Variants in ECE1 observed in about 807,000 individuals in gnomAD.
ECE1 encodes the protein endothelin-converting enzyme 1.
ECE1 carries 35 observed loss-of-function variants against 98.6 expected under a neutral mutation model. The observed-to-expected ratio is 0.35, with a 90% CI of 0.27 to 0.47. The LOEUF (loss-of-function observed/expected upper bound fraction) is 0.47, where lower values mean the gene tolerates loss of function less well. ECE1 is among the 20% of genes least tolerant of loss of function. The pLI is 1.00. For missense variants in ECE1, 814 were observed against 1,025.3 expected (o/e 0.79, Z 2.81); for synonymous variants, 394 against 407.1 (o/e 0.97, Z 0.39).
At position 21,279,111 on chromosome 1, in the gene ECE1, A is replaced by G. The variant is rs1335759665; in HGVS notation, c.280+80T>C. ...CTCAGAGCCCTGCCCCGGCTTAAGC[A>G]GGGAAGCCCCCCTCGCCCGAGCTGA... On this transcript the variant is annotated intron_variant, in intron 3 of 18. Coordinates refer to ENST00000374893, the MANE Select transcript of ECE1 (RefSeq NM_001397.3). 1.9e-6 allele frequency: 3 copies of G among 1,610,902 alleles called. No homozygotes were observed. In the African/African-American group the frequency reaches 4.0e-5, roughly 22 times the overall value.
chr1:21,218,492 A>G lies in ECE1; in HGVS notation c.*1463T>C, dbSNP rs762445926. 6.6e-6 allele frequency: 1 copy of G among 152,496 alleles called. No homozygotes were observed. Among genetic ancestry groups the G allele is most frequent in the Non-Finnish European group, 1.5e-5 (1 of 68,284 alleles). The allele number at this position is 152,496 out of a possible 1,614,324, so 9.4% of individuals were successfully genotyped here. A position where few individuals can be genotyped will look rare whatever the true frequency, so the allele number is the denominator to read the frequency against. The stretch of plus-strand genomic sequence containing the variant: ...CGGCTGCAGCCTCAGATAAGGCACT[A>G]GAGGACTGGACTGGTCCTGGGAGCC... On this transcript the variant is annotated 3_prime_UTR_variant, in exon 19 of 19. Coordinates refer to ENST00000374893, the MANE Select transcript of ECE1 (RefSeq NM_001397.3). This position sits in a 1 kb window ranked among gnomAD's most constrained non-coding sequence, Gnocchi z 4.0.
rs762860284 is a variant in ECE1 at position 21,236,846 on chromosome 1, TGAG to T, written c.1390-5_1390-3del. On this transcript the variant is annotated splice_polypyrimidine_tract_variant and splice_region_variant and intron_variant, in intron 11 of 18. Coordinates refer to ENST00000374893, the MANE Select transcript of ECE1 (RefSeq NM_001397.3). ...AATCTCCAGGATGATCTCGGTGGCCTGAGGAGATACACATCACAGCAGTAAGGT... is the reference window on the plus strand; with the variant it reads ...AATCTCCAGGATGATCTCGGTGGCCTGAGATACACATCACAGCAGTAAGGT... 1.1e-5 allele frequency: 18 copies of T among 1,610,518 alleles called. No homozygotes were observed. Among genetic ancestry groups the T allele is most frequent in the Middle Eastern group, 1.7e-4 (1 of 6,058 alleles).
chr1:21,247,164 C>T, intron 9 of ECE1, 57 bp downstream of exon 9: 1 of 1,613,050 alleles, frequency 6.2e-7, no homozygotes, highest in Non-Finnish European at 8.5e-7. Flanking sequence ...TGCCCACCTG[C>T]CCAAGAAGAG....
intron 3 of ECE1, among the ~76,000 whole-genome samples, chr1:21,277,666 G>A (rs183288925): frequency 1.3e-5 from 2 of 152,154 alleles, no homozygotes; most frequent in African/African-American, 4.8e-5. Context: ...CTACCCCTTC[G>A]TTCATTCAAA....
intron 1 of ECE1, among the ~76,000 whole-genome samples, chr1:21,331,595 A>G (rs1198322686): frequency 3.3e-5 from 5 of 151,834 alleles, no homozygotes; most frequent in Non-Finnish European, 5.9e-5. Context: ...TTCGCTAAAA[A>G]AAAGAAAAAA....
At chr1:21,244,067 G>A (rs1041369273) in intron 10 of ECE1, among the ~76,000 whole-genome samples, 4 of 152,182 alleles carry the variant, frequency 2.6e-5, no homozygotes, top group African/African-American at 7.2e-5. Flanking sequence ...GGGAAGGGCT[G>A]CAGGAGTGGG....
At chr1:21,320,559 C>T (rs755718785) in intron 1 of ECE1, among the ~76,000 whole-genome samples, 16 of 152,304 alleles carry the variant, frequency 1.1e-4, no homozygotes, top group South Asian at 2.1e-4. Context: ...ATCAACGCCT[C>T]GCAGCAACCC....
At position 21,219,713 on chromosome 1, in the gene ECE1, A is replaced by T. The variant is rs916499275; in HGVS notation, c.*242T>A. The T allele has an allele frequency of 5.1e-5, 29 of 565,904 alleles. No homozygotes were observed. The highest frequency in any genetic ancestry group is 4.8e-4 in the Middle Eastern group (1 of 2,064). The allele number at this position is 565,904 out of a possible 1,614,324, so 35.1% of individuals were successfully genotyped here. ...AGGCCTGATGAGCCACCAGCCCAGC[A>T]CCCGAATGCCTGCTGAAGGTGGCGC... is the stretch of plus-strand genomic sequence containing the variant. On this transcript the variant is annotated 3_prime_UTR_variant, in exon 19 of 19. Coordinates refer to ENST00000374893, the MANE Select transcript of ECE1 (RefSeq NM_001397.3). This position sits in a 1 kb window ranked among gnomAD's most constrained non-coding sequence, Gnocchi z 4.5.
intron 1 of ECE1, among the ~76,000 whole-genome samples, chr1:21,342,017 T>C (rs1639408922): frequency 6.6e-6 from 1 of 152,078 alleles, no homozygotes; most frequent in Admixed American, 6.6e-5. Context: ...GGAGCAAATC[T>C]GCCCCACTTT....
chr1:21,221,948 G>A (rs894610583), intron 17 of ECE1, 106 bp from the exon 18 acceptor site: 2 of 995,396 alleles, frequency 2.0e-6, no homozygotes, highest in African/African-American at 3.2e-5. Context: ...GCAAGGACTA[G>A]TTTCTGGGGA....
At chr1:21,240,350 G>A (rs918654652) in intron 10 of ECE1, among the ~76,000 whole-genome samples, 1 of 151,946 alleles carries the variant, frequency 6.6e-6, no homozygotes, top group African/African-American at 2.4e-5. Flanking sequence ...AGCCGGGTGT[G>A]GTGGTAGGCA....
At chr1:21,229,849 C>T (rs1013610452) in intron 14 of ECE1, among the ~76,000 whole-genome samples, 1 of 152,090 alleles carries the variant, frequency 6.6e-6, no homozygotes, top group Admixed American at 6.6e-5. Context: ...GCAGGACAGA[C>T]CAATGGAATT....
intron 4 of ECE1, among the ~76,000 whole-genome samples, chr1:21,267,438 C>A (rs535149328): frequency 7.2e-5 from 11 of 152,184 alleles, no homozygotes; most frequent in Non-Finnish European, 1.0e-4. Context: ...GAGAGAGAGG[C>A]TGTGCAGGAG....
Position 21,322,401 on chromosome 1 carries a change from C to T in ECE1, c.3+22975G>A, listed in dbSNP as rs1638983736. Among the ~76,000 whole-genome samples, 1 of 152,200 alleles carries T rather than the reference C, an allele frequency of 6.6e-6. No individual in the cohort carries two copies. Among genetic ancestry groups the T allele is most frequent in the African/African-American group, 2.4e-5 (1 of 41,444 alleles). On this transcript the variant is annotated intron_variant, in intron 1 of 18. Coordinates refer to the ECE1 transcript ENST00000415912. The surrounding 1 kb of genome is among the most constrained non-coding windows in gnomAD (Gnocchi z 4.1). ...TTGGTAGCCCTTAGCCCAGCAGACG[C>T]CCAGGCAGCCTGGCTGCACAGTTGC...
intron 14 of ECE1, among the ~76,000 whole-genome samples, chr1:21,231,514 G>A (rs1309812029): frequency 6.6e-6 from 1 of 151,996 alleles, no homozygotes; most frequent in Non-Finnish European, 1.5e-5. Context: ...GCTAATTTTT[G>A]TATATTTAGT....
intron 1 of ECE1, among the ~76,000 whole-genome samples, chr1:21,334,033 G>A (rs1639260104): frequency 6.6e-6 from 1 of 152,148 alleles, no homozygotes; most frequent in Non-Finnish European, 1.5e-5. Context: ...ACTCACCAAA[G>A]GTCACCCAGC....
At chr1:21,246,292 G>T (rs950156791) in intron 9 of ECE1, among the ~76,000 whole-genome samples, 7 of 151,974 alleles carry the variant, frequency 4.6e-5, no homozygotes, top group African/African-American at 1.7e-4. Flanking sequence ...CTGAGGTCAG[G>T]AGTTGGGGAC....
At chr1:21,342,744 C>T (rs1218052175) in intron 1 of ECE1, among the ~76,000 whole-genome samples, 1 of 152,156 alleles carries the variant, frequency 6.6e-6, no homozygotes, top group Non-Finnish European at 1.5e-5. Flanking sequence ...AGCCGCGGAG[C>T]AGGAGATCCA....
Position 21,236,755 on chromosome 1 carries a change from G to A in ECE1, c.1479C>T (p.Ala493=), listed in dbSNP as rs747929539. ...GCCTGGCCAGCCTCACCTTTTCCTT[G>A]GCTGATTTTCGGGTTTCCTCATCCA... ...KWMDEETRKS[A]KEKADAIYNM... Residue 493 remains alanine (A), a synonymous_variant, in exon 12 of 19, where the codon GCC becomes GCT. Transcript: ENST00000374893. 9 of 1,613,870 alleles carry A rather than the reference G, an allele frequency of 5.6e-6. No individual in the cohort carries two copies. The East Asian group carries it at 2.0e-4, about 36-fold the overall frequency.
Sources: gnomAD v4.1 joint callset for allele counts (sites outside exome capture counted in the v4.1 genomes callset) on GRCh38, gnomAD v4.1.1 for gene constraint, Gnocchi (gnomAD v3.1) non-coding constraint, MANE v1.5 for transcripts, NCBI Gene and HGNC (gene_info 2026-07-23, HGNC 2026-07-21) for gene names.